XRCC5: variants seen among roughly 807,000 people sequenced by gnomAD.
XRCC5 encodes DNA repair protein Ku80.
In XRCC5, 12 loss-of-function variants were observed where a neutral mutation model predicts 95.7. That is an observed-to-expected ratio of 0.13 (90% CI 0.08 to 0.20). The LOEUF is 0.20. XRCC5 is among the 10% of genes least tolerant of loss of function. The pLI, the probability that XRCC5 is intolerant of heterozygous loss-of-function variation, is 1.00. For synonymous variants in XRCC5, 281 were observed against 290.3 expected (o/e 0.97, Z 0.33); for missense variants, 595 against 873.9 (o/e 0.68, Z 4.02).
chr2:216,155,934 T>A (rs770290686), intron 14 of XRCC5, among the ~76,000 whole-genome samples: 1 of 151,992 alleles, frequency 6.6e-6, no homozygotes, highest in Non-Finnish European at 1.5e-5. Context: ...TGCTAAGAAG[T>A]CATTAGAAAT....
At chr2:216,121,398 A>G (rs1159322560) in intron 5 of XRCC5, among the ~76,000 whole-genome samples, 1 of 152,212 alleles carries the variant, frequency 6.6e-6, no homozygotes, top group Admixed American at 6.5e-5. Flanking sequence ...CGGGAAGTCC[A>G]AGATCACAGC....
At position 216,150,482 on chromosome 2, in the gene XRCC5, C is replaced by G. The variant is rs778515564; in HGVS notation, c.1670+2206C>G. On this transcript the variant is annotated intron_variant, in intron 14 of 20. Transcript: ENST00000392132. ...GCGAATGTCACAGAGTGTACTTACA[C>G]GAGCCCACATGGTAGAATCTACTAC... 3.9e-5 allele frequency among the ~76,000 whole-genome samples: 6 copies of G among 152,292 alleles called. No individual in the cohort carries two copies. The South Asian group carries it at 1.2e-3, about 32-fold the overall frequency.
intron 13 of XRCC5, 76 bp from the exon 14 acceptor site, chr2:216,148,007 G>C: frequency 6.8e-7 from 1 of 1,469,886 alleles, no homozygotes; most frequent in Non-Finnish European, 9.3e-7. Flanking sequence ...TAAAGATGGA[G>C]GATCCCTGAT....
chr2:216,194,128 ATTGAG>A (rs1689671433), intron 18 of XRCC5, among the ~76,000 whole-genome samples: 1 of 152,210 alleles, frequency 6.6e-6, no homozygotes, highest in Admixed American at 6.5e-5. Context: ...TCATTTATTT[ATTGAG>A]CTTCTGCTAT....
chr2:216,177,481 G>T (rs1689300123), intron 16 of XRCC5, among the ~76,000 whole-genome samples: 2 of 152,132 alleles, frequency 1.3e-5, no homozygotes, highest in South Asian at 4.1e-4. Context: ...ACTTAGCTAT[G>T]TGTGCTGCAA....
At chr2:216,128,748 G>C (rs1482587706) in intron 8 of XRCC5, among the ~76,000 whole-genome samples, 1 of 152,196 alleles carries the variant, frequency 6.6e-6, no homozygotes, top group Non-Finnish European at 1.5e-5. Context: ...GTTAGTACTT[G>C]AGGGTAACAT....
At chr2:216,122,022 C>T in intron 5 of XRCC5, 40 bp from the exon 6 acceptor site, 1 of 1,508,850 alleles carries the variant, frequency 6.6e-7, no homozygotes, top group South Asian at 1.3e-5. Context: ...GTTACAGTTA[C>T]AGGATTAGAA....
intron 16 of XRCC5, among the ~76,000 whole-genome samples, chr2:216,163,000 A>G (rs1688981665): frequency 6.6e-6 from 1 of 152,200 alleles, no homozygotes; most frequent in African/African-American, 2.4e-5. Flanking sequence ...GCAGGTTTAT[A>G]TATAAACTAT....
intron 14 of XRCC5, among the ~76,000 whole-genome samples, chr2:216,157,445 G>A (rs575017917): frequency 1.3e-5 from 2 of 152,118 alleles, no homozygotes; most frequent in Non-Finnish European, 2.9e-5. Flanking sequence ...GTGTTAGCCA[G>A]GATGATCTCG....
intron 10 of XRCC5, among the ~76,000 whole-genome samples, chr2:216,134,419 GTTTT>G (rs568788717): frequency 7.4e-6 from 1 of 135,492 alleles, no homozygotes; most frequent in African/African-American, 2.7e-5. Flanking sequence ...CTTCCTTCTT[GTTTT>G]TTTTTTTGTT....
intron 14 of XRCC5, among the ~76,000 whole-genome samples, chr2:216,154,797 A>T (rs1208929739): frequency 6.6e-6 from 1 of 152,174 alleles, no homozygotes; most frequent in Non-Finnish European, 1.5e-5. Context: ...ACCCCCAATT[A>T]AAAAACGCTT....
chr2:216,167,426 G>T (rs549975708), intron 16 of XRCC5, among the ~76,000 whole-genome samples: 1 of 152,030 alleles, frequency 6.6e-6, no homozygotes, highest in Non-Finnish European at 1.5e-5. Flanking sequence ...TTCAGTGTTG[G>T]TTTTGTATGG....
chr2:216,185,545 A>C (rs573159935), intron 16 of XRCC5, among the ~76,000 whole-genome samples: 129 of 152,226 alleles, frequency 8.5e-4, no homozygotes, highest in African/African-American at 3.0e-3. Flanking sequence ...ACTCCTTTTT[A>C]TTCTCTTAAT....
In XRCC5 at chr2:216,160,089, T is replaced by G; in HGVS notation, c.1692T>G (p.Ala564=). ...FQDNHEDGPT[A]KKLKTEQGGA... ...CTAGCCATGAAGATGGACCTACAGC[T>G]AAAAAATTAAAGACTGAGCAAGGGG... is the stretch of plus-strand genomic sequence containing the variant. Residue 564 remains alanine, a synonymous_variant, in exon 15 of 21, where the codon GCT becomes GCG. Coordinates refer to ENST00000392132, the MANE Select transcript of XRCC5 (RefSeq NM_021141.4). The G allele has an allele frequency of 6.2e-7, 1 of 1,601,034 alleles. No individual in the cohort carries two copies. Among genetic ancestry groups the G allele is most frequent in the Non-Finnish European group, 8.5e-7 (1 of 1,173,172 alleles).
chr2:216,141,910 C>T (rs1303636272), intron 13 of XRCC5, among the ~76,000 whole-genome samples: 2 of 152,132 alleles, frequency 1.3e-5, no homozygotes, highest in Non-Finnish European at 1.5e-5. Flanking sequence ...AAAAATTAGC[C>T]GGGCATGGTA....
chr2:216,117,563 T>C (rs1696722066), intron 3 of XRCC5, 183 bp from the exon 4 acceptor site: 3 of 535,872 alleles, frequency 5.6e-6, no homozygotes, highest in Non-Finnish European at 6.7e-6. Context: ...GAATATATAG[T>C]TTGATATATA....
At chr2:216,118,915 G>A (rs903951086) in intron 4 of XRCC5, 128 bp from the exon 5 acceptor site, 2 of 987,918 alleles carry the variant, frequency 2.0e-6, no homozygotes, top group African/African-American at 3.2e-5. Context: ...TGGACTACTA[G>A]AATGTAATCA....
intron 1 of XRCC5, among the ~76,000 whole-genome samples, chr2:216,112,110 T>G (rs1161499760): frequency 3.3e-5 from 5 of 152,252 alleles, no homozygotes; most frequent in Admixed American, 1.3e-4. Context: ...TCTTCCAGCT[T>G]GTGTTCAGGT....
chr2:216,204,527 C>T (rs1398430657), intron 20 of XRCC5, 131 bp downstream of exon 20: 1 of 893,602 alleles, frequency 1.1e-6, no homozygotes, highest in African/African-American at 1.7e-5. Context: ...CAGAAGCTTC[C>T]TACACCATTA....
Sources: gnomAD v4.1 joint callset for allele counts (sites outside exome capture counted in the v4.1 genomes callset) on GRCh38, gnomAD v4.1.1 for gene constraint, MANE v1.5 for transcripts, NCBI Gene and HGNC (gene_info 2026-07-23, HGNC 2026-07-21) for gene names.